DOCK10: variants seen among roughly 807,000 people sequenced by gnomAD.
DOCK10 encodes the protein dedicator of cytokinesis 10, also known as dedicator of cytokinesis protein 10.
DOCK10 carries 145 observed loss-of-function variants against 280.1 expected under a neutral mutation model. The ratio of observed to expected loss-of-function variants is 0.52; its 90% CI spans 0.45 to 0.59. The LOEUF (loss-of-function observed/expected upper bound fraction) is 0.59, where lower values mean the gene tolerates loss of function less well. Among genes scored for constraint, DOCK10 ranks in the 20% least tolerant of loss-of-function variants. The pLI, the probability that DOCK10 is intolerant of heterozygous loss-of-function variation, is 0.00. For missense variants in DOCK10, 2,368 were observed against 2,651.7 expected (o/e 0.89, Z 2.35); for synonymous variants, 915 against 942.2 (o/e 0.97, Z 0.53).
At chr2:224,778,390 C>A (rs1327708566) in intron 50 of DOCK10, 106 bp from the exon 51 acceptor site, 2 of 1,099,002 alleles carry the variant, frequency 1.8e-6, no homozygotes, top group South Asian at 2.7e-5. Context: ...TTTTGGTTGT[C>A]ATCTAATCCA....
intron 3 of DOCK10, among the ~76,000 whole-genome samples, chr2:224,906,603 C>T (rs947475597): frequency 2.0e-5 from 3 of 152,128 alleles, no homozygotes; most frequent in Non-Finnish European, 2.9e-5. Context: ...CTCAGCCTCC[C>T]GAGTAGCTGG....
chr2:224,996,179 GT>G (rs1308754471), intron 1 of DOCK10, among the ~76,000 whole-genome samples: 1 of 152,200 alleles, frequency 6.6e-6, no homozygotes, highest in Non-Finnish European at 1.5e-5. Flanking sequence ...TATATCTGCT[GT>G]TTCTAATCAG....
At chr2:224,860,130 T>G (rs1005893112) in intron 14 of DOCK10, among the ~76,000 whole-genome samples, 1 of 152,216 alleles carries the variant, frequency 6.6e-6, no homozygotes. Flanking sequence ...AGCTTTCCTA[T>G]CCAAGGAATA....
chr2:224,983,764 C>T (rs1396393358), intron 1 of DOCK10: 1 of 470,894 alleles, frequency 2.1e-6, no homozygotes, highest in Non-Finnish European at 4.4e-6. Flanking sequence ...TACTGGCTGC[C>T]AGTAGTTTTT....
At chr2:224,860,407 TAAC>T (rs139123032) in intron 14 of DOCK10, among the ~76,000 whole-genome samples, 1,562 of 152,296 alleles carry the variant, frequency 0.01, 22 homozygotes, top group African/African-American at 0.035. Context: ...TTTCTAAAAA[TAAC>T]AATCTTTTAT....
rs1386573539 is a variant in DOCK10, at chr2:224,886,123, C to T, written c.552G>A (p.Lys184=). The change falls in exon 6 of 56, where the codon AAG becomes AAA. Residue 184 remains lysine, a synonymous_variant. Coordinates refer to ENST00000258390, the MANE Select transcript of DOCK10 (RefSeq NM_014689.3). ...AATTCCCCTTGTAGAGCCAGCCGGA[C>T]TTGAAAACACCAGTTCCTCCCGCTC... ...GGGAGGTGVF[K]SGWLYKGNFN... 6.2e-7 allele frequency: 1 copy of T among 1,613,838 alleles called. No homozygotes were observed. Among genetic ancestry groups the T allele is most frequent in the Admixed American group, 1.7e-5 (1 of 60,008 alleles).
intron 1 of DOCK10, among the ~76,000 whole-genome samples, chr2:224,955,492 T>C (rs932755399): frequency 6.6e-6 from 1 of 152,228 alleles, no homozygotes; most frequent in African/African-American, 2.4e-5. Flanking sequence ...GTGGATCAGA[T>C]TGTTAGCCTA....
At chr2:225,015,221 A>T (rs2106080448) in intron 1 of DOCK10, among the ~76,000 whole-genome samples, 1 of 152,316 alleles carries the variant, frequency 6.6e-6, no homozygotes, top group South Asian at 2.1e-4. Context: ...AACATAAAAA[A>T]CACTTTTCCT....
chr2:224,977,891 C>T (rs1290078795), intron 1 of DOCK10, among the ~76,000 whole-genome samples: 3 of 152,242 alleles, frequency 2.0e-5, no homozygotes, highest in Non-Finnish European at 4.4e-5. Context: ...GACTCTGATA[C>T]AACTTCCATT....
intron 27 of DOCK10, among the ~76,000 whole-genome samples, chr2:224,826,549 T>C (rs2125361092): frequency 6.6e-6 from 1 of 151,192 alleles, no homozygotes; most frequent in African/African-American, 2.4e-5. Flanking sequence ...AAAAAGAAAA[T>C]ACAAATAGCT....
Position 224,886,012 on chromosome 2 carries a change from GAGTGTTAAGAAGGGTGAC to G in DOCK10, c.612+33_612+50del. On this transcript the variant is annotated intron_variant, in intron 6 of 55. Coordinates refer to ENST00000258390, the MANE Select transcript of DOCK10 (RefSeq NM_014689.3). ...TCTTCTGTGCTGTGACCAGAGGAGG[GAGTGTTAAGAAGGGTGAC>G]AGAGATAAAGATGAGTCTTGATATC... 6 of 1,610,142 alleles carry G rather than the reference GAGTGTTAAGAAGGGTGAC, an allele frequency of 3.7e-6. No homozygotes were observed. The South Asian group carries it at 6.6e-5, about 18-fold the overall frequency.
At chr2:224,927,169 A>G (rs1195258863) in intron 2 of DOCK10, among the ~76,000 whole-genome samples, 4 of 152,152 alleles carry the variant, frequency 2.6e-5, no homozygotes, top group Non-Finnish European at 5.9e-5. Context: ...GAGAGTGTAA[A>G]GGCCCTACCG....
intron 1 of DOCK10, among the ~76,000 whole-genome samples, chr2:224,977,679 T>C (rs1705515994): frequency 6.6e-6 from 1 of 152,242 alleles, no homozygotes. Context: ...TTTTCCCCGT[T>C]AAACTTGACT....
intron 14 of DOCK10, among the ~76,000 whole-genome samples, chr2:224,859,374 G>A (rs909346199): frequency 6.6e-6 from 1 of 152,160 alleles, no homozygotes; most frequent in African/African-American, 2.4e-5. Flanking sequence ...GGGCTGATAT[G>A]CATGGAAAGA....
In DOCK10 at chr2:224,805,317, G is replaced by A; in HGVS notation, c.3940C>T (p.Pro1314Ser). Residue 1314 changes from proline (P) to serine (S), a missense_variant, in exon 36 of 56, where the codon CCA becomes TCA. Pro to Ser is a moderately conservative substitution (Grantham distance 74). Transcript: ENST00000258390. This position sits in a 1 kb window ranked among gnomAD's most constrained non-coding sequence, Gnocchi z 4.3. ...GAGCCAATCAAAGACAAGGGTCTTG[G>A]GATCTGGGAATTCAAGAACCAATCA... is the stretch of plus-strand genomic sequence containing the variant. ...SEKTDNCEKI[P>S]RPLSLIGSTL... is the part of the protein sequence containing the mutation. 2 of 1,612,808 alleles carry A rather than the reference G, an allele frequency of 1.2e-6. No homozygotes were observed. Among genetic ancestry groups the A allele is most frequent in the East Asian group, 2.2e-5 (1 of 44,852 alleles).
chr2:224,774,110 C>T (rs902196697), intron 52 of DOCK10, among the ~76,000 whole-genome samples: 19 of 152,112 alleles, frequency 1.2e-4, no homozygotes, highest in African/African-American at 2.9e-4. Flanking sequence ...TGAAGGCAGA[C>T]GCTTGTCACA....
intron 1 of DOCK10, among the ~76,000 whole-genome samples, chr2:225,031,353 G>T (rs1388505766): frequency 1.3e-5 from 2 of 152,188 alleles, no homozygotes; most frequent in African/African-American, 4.8e-5. Flanking sequence ...GTGAAATAAA[G>T]TCCTCACCAT....
intron 1 of DOCK10, among the ~76,000 whole-genome samples, chr2:224,965,843 C>A (rs1243405926): frequency 1.3e-5 from 2 of 152,120 alleles, no homozygotes; most frequent in African/African-American, 4.8e-5. Flanking sequence ...TAGGAAGAGT[C>A]GGAAGGCATT....
At chr2:224,919,650 G>A (rs536905845) in intron 2 of DOCK10, among the ~76,000 whole-genome samples, 7 of 142,886 alleles carry the variant, frequency 4.9e-5, no homozygotes, top group African/African-American at 1.7e-4. Context: ...AGTGTTGTGT[G>A]TGTGTAGAGT....
Sources: allele counts gnomAD v4.1 joint callset (sites outside exome capture counted in the v4.1 genomes callset), GRCh38; gene constraint gnomAD v4.1.1; non-coding constraint Gnocchi (gnomAD v3.1); transcripts MANE v1.5; gene names NCBI Gene and HGNC (gene_info 2026-07-23, HGNC 2026-07-21).